Variants in COL4A2 observed in about 807,000 individuals in gnomAD.
COL4A2 encodes the protein collagen type IV alpha 2 chain.
Under a neutral mutation model 200.2 loss-of-function variants are expected in COL4A2, and 99 were observed. The observed-to-expected ratio is 0.49, with a 90% CI of 0.42 to 0.58. The LOEUF (loss-of-function observed/expected upper bound fraction) is 0.58. Ranked by LOEUF, COL4A2 falls within the 20% of genes least tolerant of loss-of-function variation. COL4A2 has a pLI of 0.00. For missense variants in COL4A2, 1,950 were observed against 2,314.1 expected (o/e 0.84, Z 3.23); for synonymous variants, 897 against 900.6 (o/e 1.00, Z 0.07).
At chr13:110,402,597 A>G (rs556111877) in intron 4 of COL4A2, among the ~76,000 whole-genome samples, 13 of 152,078 alleles carry the variant, frequency 8.5e-5, no homozygotes, top group Admixed American at 2.0e-4. Context: ...CCCCACTCCC[A>G]CACCTCCCCA....
intron 4 of COL4A2, among the ~76,000 whole-genome samples, chr13:110,360,201 C>G (rs1172881199): frequency 6.6e-6 from 1 of 152,200 alleles, no homozygotes. Flanking sequence ...ATCTGTGAGA[C>G]TAGCTGTGTG....
At position 110,512,629 on chromosome 13, in the gene COL4A2, CGAG is replaced by C. The variant is rs1884129951; in HGVS notation, c.*440_*442del. 1 of 177,842 alleles carries C rather than the reference CGAG, an allele frequency of 5.6e-6. No individual in the cohort carries two copies. The highest frequency in any genetic ancestry group is 2.4e-5 in the African/African-American group (1 of 41,938). 11.0% of individuals were successfully genotyped at this position (177,842 alleles called of 1,614,324 possible). On this transcript the variant is annotated 3_prime_UTR_variant, in exon 48 of 48. Transcript: ENST00000360467. Reference sequence around the variant, plus strand: ...AGGGCCTCAGGCACCCGTCCCCACACGAGGGCCCCGTGGGTGGGCCTGGCCCTG... The same window carrying C: ...AGGGCCTCAGGCACCCGTCCCCACACGGCCCCGTGGGTGGGCCTGGCCCTG...
At chr13:110,369,362 G>A (rs1179904730) in intron 4 of COL4A2, among the ~76,000 whole-genome samples, 1 of 152,158 alleles carries the variant, frequency 6.6e-6, no homozygotes, top group African/African-American at 2.4e-5. Context: ...TCTCGTTGGA[G>A]CATTTTGGAT....
At chr13:110,489,142 G>A (rs994977057) in intron 34 of COL4A2, among the ~76,000 whole-genome samples, 11 of 152,164 alleles carry the variant, frequency 7.2e-5, no homozygotes, top group Admixed American at 2.0e-4. Context: ...AGGCTGAGAC[G>A]GAAGGATGAC....
intron 4 of COL4A2, among the ~76,000 whole-genome samples, chr13:110,409,355 T>C (rs915791355): frequency 9.2e-5 from 14 of 152,214 alleles, no homozygotes; most frequent in Non-Finnish European, 1.5e-4. Context: ...AAAGCAAGAA[T>C]GTACCGTGAT....
intron 4 of COL4A2, among the ~76,000 whole-genome samples, chr13:110,403,690 C>T (rs149511549): frequency 6.6e-6 from 1 of 152,260 alleles, no homozygotes; most frequent in African/African-American, 2.4e-5. Context: ...TTCTAGCATG[C>T]ACCTCCAGAT....
At chr13:110,351,106 T>A (rs1876936227) in intron 3 of COL4A2, among the ~76,000 whole-genome samples, 1 of 152,190 alleles carries the variant, frequency 6.6e-6, no homozygotes, top group South Asian at 2.1e-4. Context: ...TGGAGTACAG[T>A]GGCGTAATCT....
intron 3 of COL4A2, among the ~76,000 whole-genome samples, chr13:110,344,207 T>G (rs1438124849): frequency 6.6e-6 from 1 of 152,246 alleles, no homozygotes; most frequent in Non-Finnish European, 1.5e-5. Flanking sequence ...AACTCACTTC[T>G]AACTATGATT....
intron 11 of COL4A2, among the ~76,000 whole-genome samples, chr13:110,434,107 C>T (rs972527271): frequency 6.6e-6 from 1 of 152,142 alleles, no homozygotes. Flanking sequence ...GGGGCCAGAA[C>T]CCAGGGACAT....
intron 39 of COL4A2, among the ~76,000 whole-genome samples, chr13:110,494,279 A>C (rs1455372105): frequency 6.6e-6 from 1 of 152,192 alleles, no homozygotes; most frequent in Admixed American, 6.5e-5. Flanking sequence ...TTCCCACAGA[A>C]GGCCTCCCTT....
At chr13:110,371,577 A>T (rs747660979) in intron 4 of COL4A2, among the ~76,000 whole-genome samples, 3 of 152,148 alleles carry the variant, frequency 2.0e-5, no homozygotes, top group Admixed American at 6.5e-5. Context: ...CTGCAACTTT[A>T]TTAGAAGACA....
chr13:110,378,783 A>G (rs896862463), intron 4 of COL4A2, among the ~76,000 whole-genome samples: 2 of 152,184 alleles, frequency 1.3e-5, no homozygotes, highest in Admixed American at 6.5e-5. Context: ...ACTGGGAAGA[A>G]TGTTCCCAGT....
intron 3 of COL4A2, among the ~76,000 whole-genome samples, chr13:110,327,540 G>A (rs1477838798): frequency 6.6e-6 from 1 of 152,246 alleles, no homozygotes; most frequent in Non-Finnish European, 1.5e-5. Context: ...GCTTTAGAGT[G>A]ATTCTCTTAA....
intron 10 of COL4A2, among the ~76,000 whole-genome samples, chr13:110,431,922 A>C (rs1880695284): frequency 6.6e-6 from 1 of 152,226 alleles, no homozygotes; most frequent in African/African-American, 2.4e-5. Flanking sequence ...CATTCTGTCC[A>C]TGAAAGTTGG....
At chr13:110,469,141 G>C in intron 27 of COL4A2, 76 bp from the exon 28 acceptor site, 1 of 1,513,062 alleles carries the variant, frequency 6.6e-7, no homozygotes, top group South Asian at 1.2e-5. Flanking sequence ...TCCACATTAA[G>C]TCAGATGCCA....
chr13:110,356,292 C>T (rs1001533350), intron 3 of COL4A2, among the ~76,000 whole-genome samples: 3 of 152,196 alleles, frequency 2.0e-5, no homozygotes, highest in African/African-American at 4.8e-5. Context: ...AGCCTCTTCC[C>T]GGCATTCCTC....
chr13:110,318,780 T>C (rs1472764611), intron 3 of COL4A2, among the ~76,000 whole-genome samples: 2 of 152,216 alleles, frequency 1.3e-5, no homozygotes, highest in African/African-American at 4.8e-5. Flanking sequence ...CTAGTTCACA[T>C]CTACCTGGCT....
chr13:110,343,653 C>G (rs1162623901), intron 3 of COL4A2, among the ~76,000 whole-genome samples: 4 of 152,232 alleles, frequency 2.6e-5, no homozygotes, highest in Non-Finnish European at 5.9e-5. Context: ...GCTGCAGGCA[C>G]CTGAGGCTGA....
At chr13:110,428,327 T>C in intron 6 of COL4A2, 140 bp from the exon 7 acceptor site, 1 of 607,390 alleles carries the variant, frequency 1.6e-6, no homozygotes, top group Non-Finnish European at 2.9e-6. Flanking sequence ...ATTCATTCAT[T>C]TGTTCACTTT....
Sources: gnomAD v4.1 joint callset for allele counts (sites outside exome capture counted in the v4.1 genomes callset) on GRCh38, gnomAD v4.1.1 for gene constraint, MANE v1.5 for transcripts, NCBI Gene and HGNC (gene_info 2026-07-23, HGNC 2026-07-21) for gene names.